PYGB: variants seen among roughly 807,000 people sequenced by gnomAD.
PYGB encodes the protein glycogen phosphorylase B.
PYGB carries 82 observed loss-of-function variants against 94.3 expected under a neutral mutation model. The ratio of observed to expected loss-of-function variants is 0.87; its 90% CI spans 0.73 to 1.04. The LOEUF is 1.04. PYGB is among the 50% of genes least tolerant of loss of function. The pLI, the probability that PYGB is intolerant of heterozygous loss-of-function variation, is 0.00. For missense variants in PYGB, 1,132 were observed against 1,158.2 expected (o/e 0.98, Z 0.33); for synonymous variants, 488 against 479.1 (o/e 1.02, Z -0.24).
chr20:25,271,991 A>G (rs1005519881), intron 4 of PYGB, among the ~76,000 whole-genome samples: 1 of 152,192 alleles, frequency 6.6e-6, no homozygotes, highest in African/African-American at 2.4e-5. Flanking sequence ...TGGACTCTGC[A>G]TAGTACAGTG....
intron 12 of PYGB, 94 bp from the exon 13 acceptor site, chr20:25,283,082 G>C: frequency 9.6e-7 from 1 of 1,037,906 alleles, no homozygotes; most frequent in Non-Finnish European, 1.5e-6. Context: ...GGGAAAGCAG[G>C]GGCGTGGGCA....
At chr20:25,292,117 G>A (rs11697736) in intron 16 of PYGB, among the ~76,000 whole-genome samples, 2,076 of 152,308 alleles carry the variant, frequency 0.014, 16 homozygotes, top group Admixed American at 0.038. Flanking sequence ...CTGGTTTTGG[G>A]GAAGGTTTTG....
chr20:25,296,236 T>C, intron 19 of PYGB, 134 bp from the exon 20 acceptor site: 1 of 1,083,608 alleles, frequency 9.2e-7, no homozygotes, highest in Non-Finnish European at 1.4e-6. Context: ...GTGATTGTAA[T>C]GTCCTCCTCT....
intron 9 of PYGB, 43 bp downstream of exon 9, chr20:25,279,192 G>A (rs2088343095): frequency 6.3e-7 from 1 of 1,587,586 alleles, no homozygotes; most frequent in Non-Finnish European, 8.6e-7. Context: ...AGAGCCTGGA[G>A]CCCGTGCAGA....
intron 6 of PYGB, 67 bp from the exon 7 acceptor site, chr20:25,277,177 C>G: frequency 7.7e-7 from 1 of 1,291,220 alleles, no homozygotes; most frequent in Non-Finnish European, 1.1e-6. Context: ...GCAAGTAGGC[C>G]CCTGAGCGGT....
chr20:25,261,447 C>T (rs1275588111), intron 2 of PYGB, among the ~76,000 whole-genome samples: 1 of 152,244 alleles, frequency 6.6e-6, no homozygotes, highest in Non-Finnish European at 1.5e-5. Flanking sequence ...AACTAACAAA[C>T]AGAAAGGACA....
At chr20:25,268,409 TTTG>T (rs1354072164) in intron 2 of PYGB, among the ~76,000 whole-genome samples, 5 of 152,066 alleles carry the variant, frequency 3.3e-5, no homozygotes, top group Admixed American at 1.3e-4. Context: ...TTAATTAAAC[TTTG>T]TTGTTTATGT....
At chr20:25,261,111 C>T (rs951386698) in intron 2 of PYGB, among the ~76,000 whole-genome samples, 2 of 152,232 alleles carry the variant, frequency 1.3e-5, no homozygotes, top group African/African-American at 4.8e-5. Context: ...CTCTGTGTGA[C>T]ATCTTTGAAG....
rs746106483 is a variant in PYGB at position 25,280,332 on chromosome 20, C to T, written c.1159C>T (p.Arg387Cys). The T allele has an allele frequency of 3.7e-6, 6 of 1,613,956 alleles. No homozygotes were observed. Among genetic ancestry groups the T allele is most frequent in the South Asian group, 2.2e-5 (2 of 91,086 alleles). ...NHTVLPEALE[R>C]WPVSMFEKLL... The stretch of plus-strand genomic sequence containing the variant: ...CACTGTGCTGCCTGAGGCCTTGGAG[C>T]GCTGGCCCGTGTCCATGTTTGAGAA... The change falls in exon 10 of 20, where the codon CGC becomes TGC. Residue 387 changes from arginine to cysteine, a missense_variant. Physicochemically the swap from Arg to Cys is radical, Grantham distance 180. Transcript: ENST00000216962.
At chr20:25,269,019 C>A in intron 2 of PYGB, 110 bp from the exon 3 acceptor site, 4 of 930,356 alleles carry the variant, frequency 4.3e-6, no homozygotes, top group Non-Finnish European at 6.9e-6. Context: ...CTAACAGAAC[C>A]CAGACTCTAA....
At chr20:25,294,628 C>G in intron 18 of PYGB, 1 of 549,472 alleles carries the variant, frequency 1.8e-6, no homozygotes, top group Non-Finnish European at 3.3e-6. Context: ...GTAGAGGGAG[C>G]ATGGGCCCAA....
At chr20:25,266,612 AT>A (rs2088220487) in intron 2 of PYGB, among the ~76,000 whole-genome samples, 1 of 152,212 alleles carries the variant, frequency 6.6e-6, no homozygotes, top group Non-Finnish European at 1.5e-5. Context: ...GAGAGAAAAT[AT>A]TTATAAATCC....
Position 25,279,112 on chromosome 20 carries a change from G to A in PYGB, c.1055G>A (p.Arg352Gln), listed in dbSNP as rs150918465. The change falls in exon 9 of 20, where the codon CGG (arginine) becomes CAG (glutamine). Residue 352 changes from arginine (R) to glutamine (Q), a missense_variant. By Grantham distance (43) the Arg-to-Gln change is conservative (BLOSUM62 1). Coordinates refer to ENST00000216962, the MANE Select transcript of PYGB (RefSeq NM_002862.4). The part of the protein sequence containing the change: ...HPALSIPELM[R>Q]ILVDVEKVDW... The stretch of plus-strand genomic sequence containing the variant: ...GCCCTCTCCATCCCTGAGCTCATGC[G>A]GATCCTGGTGGACGTGGAGAAGGTG... 21 of 1,613,908 alleles carry A rather than the reference G, an allele frequency of 1.3e-5. No individual in the cohort carries two copies. Among genetic ancestry groups the A allele is most frequent in the African/African-American group, 1.2e-4 (9 of 74,930 alleles).
chr20:25,280,488 G>T (rs2088356588), intron 10 of PYGB, 76 bp downstream of exon 10: 1 of 1,541,672 alleles, frequency 6.5e-7, no homozygotes, highest in Admixed American at 1.7e-5. Flanking sequence ...GCCTGGGAGA[G>T]GAGGTGCTTT....
At chr20:25,275,091 C>G (rs546295441) in intron 5 of PYGB, among the ~76,000 whole-genome samples, 12 of 152,194 alleles carry the variant, frequency 7.9e-5, no homozygotes, top group Non-Finnish European at 1.3e-4. Flanking sequence ...CACGGACCCC[C>G]AGGGTGGGCG....
rs538180032 is a variant in PYGB at position 25,294,297 on chromosome 20, G to A, written c.2312+5G>A. On this transcript the variant is annotated splice_donor_5th_base_variant and intron_variant, in intron 18 of 19. Transcript: ENST00000216962. Reference sequence around the variant, plus strand: ...CATGCTGATGCACCATGACAGGTGGGACCGACTTCCCTGGTTGGGTGGCTG... The same window carrying A: ...CATGCTGATGCACCATGACAGGTGGAACCGACTTCCCTGGTTGGGTGGCTG... 3.7e-6 allele frequency: 4 copies of A among 1,083,126 alleles called. No homozygotes were observed. The highest frequency in any genetic ancestry group is 1.2e-5 in the South Asian group (1 of 81,716). 67.1% of individuals were successfully genotyped at this position (1,083,126 alleles called of 1,614,324 possible).
chr20:25,288,127 CT>C (rs2088433555), intron 14 of PYGB: 1 of 529,444 alleles, frequency 1.9e-6, no homozygotes, highest in Admixed American at 2.9e-5. Context: ...GGAATAGCAT[CT>C]TTGCTCGAGT....
chr20:25,295,273 C>T (rs1433071872), intron 18 of PYGB, among the ~76,000 whole-genome samples: 1 of 152,270 alleles, frequency 6.6e-6, no homozygotes, highest in African/African-American at 2.4e-5. Context: ...GGGCTCTCCA[C>T]TGTCTGCCCA....
At chr20:25,269,361 G>A (rs564651581) in intron 3 of PYGB, among the ~76,000 whole-genome samples, 154 bp downstream of exon 3, 1 of 152,148 alleles carries the variant, frequency 6.6e-6, no homozygotes, top group South Asian at 2.1e-4. Flanking sequence ...TGCCACTAGT[G>A]GGGGGAAAGG....
Sources: gnomAD v4.1 joint callset for allele counts (sites outside exome capture counted in the v4.1 genomes callset) on GRCh38, gnomAD v4.1.1 for gene constraint, MANE v1.5 for transcripts, NCBI Gene and HGNC (gene_info 2026-07-23, HGNC 2026-07-21) for gene names.